Variants in TRMT11 observed in about 807,000 individuals in gnomAD.
The protein encoded by TRMT11 is tRNA methyltransferase 11, also known as tRNA (guanine(10)-N(2))-methyltransferase TRMT11.
In TRMT11, 53 loss-of-function variants were observed where a neutral mutation model predicts 62.8. The observed-to-expected ratio is 0.84, with a 90% CI of 0.68 to 1.06. The LOEUF (loss-of-function observed/expected upper bound fraction) is 1.06, where lower values mean the gene tolerates loss of function less well. Among genes scored for constraint, TRMT11 ranks in the 50% least tolerant of loss-of-function variants. The pLI is 0.00. For synonymous variants in TRMT11, 188 were observed against 190.3 expected, an observed-to-expected ratio of 0.99 and a Z score of 0.10; for missense variants, 556 against 553.4, an observed-to-expected ratio of 1.00 and a Z score of -0.05.
the TRMT11 span, among the ~76,000 whole-genome samples, chr6:126,244,014 G>A: frequency 5.3e-5 from 8 of 152,160 alleles, no homozygotes; most frequent in Admixed American, 2.6e-4. Flanking sequence ...CACTTTCTAC[G>A]TGAGTTTCTG....
rs1045229349 is a variant in TRMT11, at chr6:126,001,710, C to T, written c.679+2097C>T. On this transcript the variant is annotated intron_variant, in intron 7 of 12. Transcript: ENST00000334379. ...TCCAGTCTCCTCTCACCACTCAGGT[C>T]GTCAGGTTTAGTAGCCATTGATAAT... 7.2e-5 allele frequency among the ~76,000 whole-genome samples: 11 copies of T among 152,118 alleles called. No individual in the cohort carries two copies. The South Asian group carries it at 1.5e-3, about 20-fold the overall frequency.
the TRMT11 span, among the ~76,000 whole-genome samples, chr6:126,240,733 A>G: frequency 0.086 from 13,163 of 152,282 alleles, 1,866 homozygotes; most frequent in African/African-American, 0.3. Flanking sequence ...GTGTCTTCCA[A>G]TCTGTCAGAC....
the TRMT11 span, among the ~76,000 whole-genome samples, chr6:126,242,572 G>T: frequency 1.3e-5 from 2 of 152,144 alleles, no homozygotes; most frequent in African/African-American, 4.8e-5. Context: ...CATGGTACTG[G>T]TACCAAAACA....
intron 21 of TRMT11, among the ~76,000 whole-genome samples, chr6:126,126,424 T>G (rs1473598339): frequency 2.6e-5 from 4 of 152,110 alleles, no homozygotes; most frequent in Non-Finnish European, 4.4e-5. Context: ...TCTTAGATGT[T>G]TCATTTTGTG....
At chr6:126,063,041 A>AATAAAGGGT (rs1359603124) in intron 17 of TRMT11, among the ~76,000 whole-genome samples, 11 of 152,214 alleles carry the variant, frequency 7.2e-5, no homozygotes. Context: ...ATAGATAAAT[A>AATAAAGGGT]ATAAAGGGTA....
chr6:126,257,869 G>T, the TRMT11 span: 10 of 1,300,804 alleles, frequency 7.7e-6, no homozygotes, highest in African/African-American at 1.3e-4. Flanking sequence ...TTGCTATGAG[G>T]TCGGGGGGAC....
chr6:126,098,997 TACA>T (rs1396149865), intron 17 of TRMT11, among the ~76,000 whole-genome samples: 1 of 152,200 alleles, frequency 6.6e-6, no homozygotes, highest in Non-Finnish European at 1.5e-5. Flanking sequence ...AGTTGGTAGG[TACA>T]TAATTAGGTA....
intron 12 of TRMT11, among the ~76,000 whole-genome samples, chr6:126,021,624 G>A (rs747438018): frequency 4.6e-5 from 7 of 152,128 alleles, no homozygotes; most frequent in Non-Finnish European, 7.4e-5. Flanking sequence ...TTCTCCAAAA[G>A]CAGAACCTAC....
intron 12 of TRMT11, among the ~76,000 whole-genome samples, chr6:126,023,028 A>AT (rs1419359286): frequency 6.6e-6 from 1 of 152,088 alleles, no homozygotes; most frequent in Non-Finnish European, 1.5e-5. Context: ...TTAATCAGTT[A>AT]TTTTGTTTTA....
At chr6:126,133,477 A>C (rs968071640) in intron 21 of TRMT11, among the ~76,000 whole-genome samples, 19 of 152,098 alleles carry the variant, frequency 1.2e-4, no homozygotes, top group Admixed American at 1.1e-3. Context: ...TATGCCTGCT[A>C]TGCCCATAAA....
chr6:126,149,052 T>G (rs1486417310), intron 21 of TRMT11, among the ~76,000 whole-genome samples: 1 of 152,214 alleles, frequency 6.6e-6, no homozygotes, highest in Non-Finnish European at 1.5e-5. Context: ...GTGTCAAAGT[T>G]GAAAGCAAGT....
intron 3 of TRMT11, among the ~76,000 whole-genome samples, chr6:126,200,917 A>T (rs193272176): frequency 8.3e-4 from 127 of 152,242 alleles, no homozygotes; most frequent in African/African-American, 2.9e-3. Context: ...TGACTAGGAG[A>T]AGTAGTTCTT....
downstream of TRMT11, among the ~76,000 whole-genome samples, chr6:126,204,250 A>G (rs1778769075): frequency 6.6e-6 from 1 of 152,184 alleles, no homozygotes. Context: ...TTTCCTCTGA[A>G]ACTTCTCCAG....
intron 21 of TRMT11, among the ~76,000 whole-genome samples, chr6:126,148,740 T>C (rs1323709288): frequency 6.6e-6 from 1 of 152,192 alleles, no homozygotes; most frequent in Non-Finnish European, 1.5e-5. Context: ...ATATAACCAC[T>C]AGATTAGATT....
chr6:126,153,482 C>T (rs1172654790), intron 21 of TRMT11, among the ~76,000 whole-genome samples: 2 of 152,092 alleles, frequency 1.3e-5, no homozygotes, highest in Admixed American at 6.6e-5. Flanking sequence ...TCAATGTGTA[C>T]GTTCACTTGA....
chr6:126,101,484 T>C (rs538043933), intron 17 of TRMT11, among the ~76,000 whole-genome samples: 2 of 152,290 alleles, frequency 1.3e-5, no homozygotes, highest in East Asian at 3.9e-4. Flanking sequence ...ATGAAACCAA[T>C]GTGCAGAGAG....
At chr6:125,997,933 C>A in intron 3 of TRMT11, 120 bp from the exon 4 acceptor site, 2 of 697,404 alleles carry the variant, frequency 2.9e-6, no homozygotes. Context: ...TTCATTTATA[C>A]TTTGCAAAAC....
intron 17 of TRMT11, among the ~76,000 whole-genome samples, chr6:126,074,758 C>G (rs1428885987): frequency 6.6e-6 from 1 of 151,910 alleles, no homozygotes; most frequent in Non-Finnish European, 1.5e-5. Context: ...TTACTTAATT[C>G]ACCAGAATCC....
At chr6:126,141,803 GAAGTC>G (rs1280709556) in intron 21 of TRMT11, among the ~76,000 whole-genome samples, 7 of 152,054 alleles carry the variant, frequency 4.6e-5, no homozygotes, top group African/African-American at 1.4e-4. Flanking sequence ...AAGCGTAAGT[GAAGTC>G]AAGTCTAGTT....
Sources: gnomAD v4.1 joint callset for allele counts (sites outside exome capture counted in the v4.1 genomes callset) on GRCh38, gnomAD v4.1.1 for gene constraint, MANE v1.5 for transcripts, NCBI Gene and HGNC (gene_info 2026-07-23, HGNC 2026-07-21) for gene names.